The following MBD3 variants were observed in gnomAD, a reference collection of about 807,000 sequenced individuals.
MBD3 encodes methyl-CpG-binding domain protein 3.
Under a neutral mutation model 31.2 loss-of-function variants are expected in MBD3, and 13 were observed. That is an observed-to-expected ratio of 0.42 (90% CI 0.27 to 0.66). The LOEUF (loss-of-function observed/expected upper bound fraction) is 0.66, where lower values mean the gene tolerates loss of function less well. MBD3 is among the 30% of genes least tolerant of loss of function. The pLI is 0.26. For synonymous variants in MBD3, 223 were observed against 187.4 expected (o/e 1.19, Z -1.55); for missense variants, 440 against 426.5 (o/e 1.03, Z -0.28).
At position 1,592,526 on chromosome 19, in the gene MBD3, A is replaced by C. The variant is rs1345346253; in HGVS notation, c.106T>G (p.Tyr36Asp). The C allele has an allele frequency of 4.9e-6, 7 of 1,420,116 alleles. No individual in the cohort carries two copies. The Admixed American group carries it at 1.2e-4, about 24-fold the overall frequency. 88.0% of individuals were successfully genotyped at this position (1,420,116 alleles called of 1,614,324 possible). A position where few individuals can be genotyped will look rare whatever the true frequency, so the allele number is the denominator to read the frequency against. Residue 36 changes from tyrosine to aspartate, a missense_variant, in exon 1 of 7, where the codon TAT becomes GAT. Coordinates refer to ENST00000434436, the MANE Select transcript of MBD3 (RefSeq NM_001281453.2). ...LSAGHRDVFY[Y>D]SPSGKKFRSK... ...GCGGCCGGCGCGCTCATTCACCTAT[A>C]GTAAAAGACATCCCTGTGGCCGGCC...
At position 1,578,449 on chromosome 19, in the gene MBD3, C is replaced by G. The variant is rs139149038; in HGVS notation, c.767G>C (p.Arg256Pro). 1 of 1,607,738 alleles carries G rather than the reference C, an allele frequency of 6.2e-7. No individual in the cohort carries two copies. The highest frequency in any genetic ancestry group is 2.2e-5 in the East Asian group (1 of 44,878). The change falls in exon 6 of 7, where the codon CGT becomes CCT. Residue 256 changes from arginine (R) to proline (P), a missense_variant. By Grantham distance (103) the Arg-to-Pro change is moderately radical. Transcript: ENST00000434436. This position sits in a 1 kb window ranked among gnomAD's most constrained non-coding sequence, Gnocchi z 6.1. ...DMLAHVEELA[R>P]DGEAPLDKAC... Reference sequence around the variant, plus strand: ...CTTGTCCAGCGGCGCCTCCCCGTCACGGGCCAGCTCCTCCACGTGCGCCAG... The same window carrying G: ...CTTGTCCAGCGGCGCCTCCCCGTCAGGGGCCAGCTCCTCCACGTGCGCCAG...
Position 1,585,641 on chromosome 19 carries a change from T to G in MBD3, c.111-427A>C, listed in dbSNP as rs979863720. 4.4e-6 allele frequency: 1 copy of G among 227,154 alleles called. No individual in the cohort carries two copies. Among genetic ancestry groups the G allele is most frequent in the African/African-American group, 2.3e-5 (1 of 42,670 alleles). The allele number at this position is 227,154 out of a possible 1,614,324, so 14.1% of individuals were successfully genotyped here. A position where few individuals can be genotyped will look rare whatever the true frequency, so the allele number is the denominator to read the frequency against. On this transcript the variant is annotated intron_variant, in intron 1 of 6. Coordinates refer to ENST00000434436, the MANE Select transcript of MBD3 (RefSeq NM_001281453.2). This position sits in a 1 kb window ranked among gnomAD's most constrained non-coding sequence, Gnocchi z 4.1. ...GTACAAACGCTACTACCTACAGGGC[T>G]TTGGGCCCCGGCTCTGGGAGGATGG...
Position 1,592,592 on chromosome 19 carries a change from C to A in MBD3, c.40G>T (p.Gly14Cys). 1 of 1,416,740 alleles carries A rather than the reference C, an allele frequency of 7.1e-7. No homozygotes were observed. Among genetic ancestry groups the A allele is most frequent in the Non-Finnish European group, 9.4e-7 (1 of 1,061,084 alleles). 87.8% of individuals were successfully genotyped at this position (1,416,740 alleles called of 1,614,324 possible). A position where few individuals can be genotyped will look rare whatever the true frequency, so the allele number is the denominator to read the frequency against. ...KRWECPALPQ[G>C]WEREEVPRRS... Reference sequence around the variant, plus strand: ...CTGGGCACTTCTTCCCTCTCCCAGCCCTGCGGGAGCGCCGGGCACTCCCAC... The same window carrying A: ...CTGGGCACTTCTTCCCTCTCCCAGCACTGCGGGAGCGCCGGGCACTCCCAC... Residue 14 changes from glycine to cysteine, a missense_variant, in exon 1 of 7, where the codon GGC (glycine) becomes TGC (cysteine). Coordinates refer to ENST00000434436, the MANE Select transcript of MBD3 (RefSeq NM_001281453.2).
intron 1 of MBD3, among the ~76,000 whole-genome samples, chr19:1,590,800 C>G (rs2060700133): frequency 6.6e-6 from 1 of 152,180 alleles, no homozygotes; most frequent in Admixed American, 6.5e-5. Context: ...CCAGGCACCC[C>G]CAACAGAAAA....
intron 1 of MBD3, chr19:1,591,913 C>T (rs547945876): frequency 6.6e-6 from 1 of 152,272 alleles, no homozygotes; most frequent in East Asian, 1.9e-4. Flanking sequence ...AAGTCGAAAG[C>T]CTCAGGTCTC....
chr19:1,587,126 C>T (rs974658057), intron 1 of MBD3, among the ~76,000 whole-genome samples: 76 of 151,846 alleles, frequency 5.0e-4, no homozygotes, highest in Admixed American at 4.6e-4. Flanking sequence ...CCACCACGCC[C>T]GGCTAATTTT....
At chr19:1,581,434 A>T in intron 4 of MBD3, 165 bp from the exon 5 acceptor site, 1 of 734,654 alleles carries the variant, frequency 1.4e-6, no homozygotes, top group South Asian at 1.6e-5. Flanking sequence ...GTGTTACTAC[A>T]TTCATAACAG....
Position 1,592,714 on chromosome 19 carries a change from C to CTGCCGCTGCCGCCGCCGCCACT in MBD3, c.-105_-84dup. The CTGCCGCTGCCGCCGCCGCCACT allele has an allele frequency of 3.0e-6, 1 of 335,806 alleles. No homozygotes were observed. Among genetic ancestry groups the CTGCCGCTGCCGCCGCCGCCACT allele is most frequent in the Non-Finnish European group, 4.3e-6 (1 of 234,656 alleles). 20.8% of individuals were successfully genotyped at this position (335,806 alleles called of 1,614,324 possible). A position where few individuals can be genotyped will look rare whatever the true frequency, so the allele number is the denominator to read the frequency against. Reference sequence around the variant, plus strand: ...GCCGCCGCCGCCTCAGCTGCCTCCGCTGCCGCTGCCGCCGCCGCCACTTGC... The same window carrying CTGCCGCTGCCGCCGCCGCCACT: ...GCCGCCGCCGCCTCAGCTGCCTCCGCTGCCGCTGCCGCCGCCGCCACTTGCCGCTGCCGCCGCCGCCACTTGC... On this transcript the variant is annotated 5_prime_UTR_variant, in exon 1 of 7. Coordinates refer to ENST00000434436, the MANE Select transcript of MBD3 (RefSeq NM_001281453.2).
Position 1,578,231 on chromosome 19 carries a change from G to A in MBD3, c.*6-73C>T, listed in dbSNP as rs1917257117. ...ACGCTTGGGCTCTTCTAGGGAGATG[G>A]GAAGCTCTTGGGAGGCACCCGTCAT... On this transcript the variant is annotated intron_variant, in intron 6 of 6. Coordinates refer to ENST00000434436, the MANE Select transcript of MBD3 (RefSeq NM_001281453.2). The surrounding 1 kb of genome is among the most constrained non-coding windows in gnomAD (Gnocchi z 6.1). The A allele has an allele frequency of 6.5e-7, 1 of 1,543,684 alleles. No homozygotes were observed. Among genetic ancestry groups the A allele is most frequent in the South Asian group, 1.1e-5 (1 of 88,098 alleles).
intron 1 of MBD3, among the ~76,000 whole-genome samples, chr19:1,587,057 C>G (rs2060682708): frequency 6.6e-6 from 1 of 151,662 alleles, no homozygotes; most frequent in Admixed American, 6.6e-5. Context: ...CCTCCGACTT[C>G]CGGGTTCACA....
At chr19:1,590,872 G>A (rs2060700373) in intron 1 of MBD3, among the ~76,000 whole-genome samples, 1 of 152,172 alleles carries the variant, frequency 6.6e-6, no homozygotes, top group South Asian at 2.1e-4. Context: ...ACCTGCAGAG[G>A]GCGGCTCTGG....
chr19:1,581,599 G>T (rs375086282), intron 4 of MBD3: 2 of 405,026 alleles, frequency 4.9e-6, no homozygotes, highest in South Asian at 2.1e-5. Flanking sequence ...TCAAAAATTA[G>T]CCAGGTGTCA....
At chr19:1,587,493 C>A (rs1012836199) in intron 1 of MBD3, among the ~76,000 whole-genome samples, 2 of 152,000 alleles carry the variant, frequency 1.3e-5, no homozygotes, top group African/African-American at 4.8e-5. Context: ...CAGCACACTG[C>A]AGCCTTGACC....
chr19:1,588,507 C>T (rs914708668), intron 1 of MBD3, among the ~76,000 whole-genome samples: 26 of 152,078 alleles, frequency 1.7e-4, no homozygotes, highest in African/African-American at 6.0e-4. Context: ...CAAGGCCGGG[C>T]GCGGTGGCTC....
chr19:1,588,863 C>T (rs1007790892), intron 1 of MBD3, among the ~76,000 whole-genome samples: 3 of 149,998 alleles, frequency 2.0e-5, no homozygotes, highest in Non-Finnish European at 4.4e-5. Flanking sequence ...TGGGGGTGGG[C>T]GCACAAGGCA....
At chr19:1,587,289 A>G (rs950450380) in intron 1 of MBD3, among the ~76,000 whole-genome samples, 3 of 151,944 alleles carry the variant, frequency 2.0e-5, no homozygotes, top group Admixed American at 2.0e-4. Flanking sequence ...TTTAATAGAG[A>G]TAGGGTCTCA....
chr19:1,592,507 G>A lies in MBD3; in HGVS notation c.110+15C>T, dbSNP rs377022268. 2.2e-6 allele frequency: 3 copies of A among 1,368,076 alleles called. No homozygotes were observed. Among genetic ancestry groups the A allele is most frequent in the African/African-American group, 3.1e-5 (2 of 64,706 alleles). The allele number at this position is 1,368,076 out of a possible 1,614,324, so 84.7% of individuals were successfully genotyped here. A position where few individuals can be genotyped will look rare whatever the true frequency, so the allele number is the denominator to read the frequency against. On this transcript the variant is annotated intron_variant, in intron 1 of 6. Coordinates refer to ENST00000434436, the MANE Select transcript of MBD3 (RefSeq NM_001281453.2). ...GAGCCCGTTGAGGCCCTGCGCGGCC[G>A]GCGCGCTCATTCACCTATAGTAAAA...
chr19:1,580,238 CGGA>C (rs1192423519), intron 5 of MBD3, among the ~76,000 whole-genome samples: 2 of 152,186 alleles, frequency 1.3e-5, no homozygotes, highest in South Asian at 2.1e-4. Context: ...GTACCACGGC[CGGA>C]GGAGGATGCC....
rs562670143 is a variant in MBD3 at position 1,579,946 on chromosome 19, C to T, written c.677+1146G>A. 3.3e-5 allele frequency among the ~76,000 whole-genome samples: 5 copies of T among 152,284 alleles called. No homozygotes were observed. In the East Asian group the frequency reaches 5.8e-4, roughly 18 times the overall value. On this transcript the variant is annotated intron_variant, in intron 5 of 6. Transcript: ENST00000434436. ...CTAATTATTTTATTTTTAGTGGAGACGGGGTTTCACCATGTTGGCCAGGCT... is the reference window on the plus strand; with the variant it reads ...CTAATTATTTTATTTTTAGTGGAGATGGGGTTTCACCATGTTGGCCAGGCT...
Sources: allele counts gnomAD v4.1 joint callset (sites outside exome capture counted in the v4.1 genomes callset), GRCh38; gene constraint gnomAD v4.1.1; non-coding constraint Gnocchi (gnomAD v3.1); transcripts MANE v1.5; gene names NCBI Gene and HGNC (gene_info 2026-07-23, HGNC 2026-07-21).